The following DNAJC7 variants were observed in gnomAD, a reference collection of about 807,000 sequenced individuals.
DNAJC7 encodes dnaJ homolog subfamily C member 7.
A neutral mutation model predicts 67.4 loss-of-function variants in DNAJC7; 18 were observed. That is an observed-to-expected ratio of 0.27 (90% CI 0.18 to 0.40). DNAJC7 has a LOEUF of 0.40. Ranked by LOEUF, DNAJC7 falls within the 10% of genes least tolerant of loss-of-function variation. DNAJC7 has a pLI of 1.00. For missense variants in DNAJC7, 419 were observed against 613.8 expected (o/e 0.68, Z 3.35); for synonymous variants, 220 against 207.8 (o/e 1.06, Z -0.50).
rs1200813992 is a variant in DNAJC7 at position 41,981,955 on chromosome 17, G to A, written c.1284C>T (p.Phe428=). Residue 428 remains phenylalanine (F), a synonymous_variant, in exon 12 of 14, where the codon TTC becomes TTT. Coordinates refer to ENST00000457167, the MANE Select transcript of DNAJC7 (RefSeq NM_003315.4). ...AEVQKEEEKK[F]KEVGEAFTIL... ...TAGTAAAGGCCTCTCCAACTTCCTT[G>A]AACTTCTTCTCCTCCTCCTTCTGAA... 4.3e-6 allele frequency: 7 copies of A among 1,613,784 alleles called. No homozygotes were observed. In the Admixed American group the frequency reaches 1.0e-4, roughly 23 times the overall value.
At chr17:41,980,573 G>A (rs35447453) in intron 12 of DNAJC7, among the ~76,000 whole-genome samples, 11,266 of 152,064 alleles carry the variant, frequency 0.074, 625 homozygotes, top group Non-Finnish European at 0.11. Context: ...TTTTAGTAGA[G>A]AGTACAATTT....
At chr17:41,995,980 A>G (rs1177004214) in intron 4 of DNAJC7, among the ~76,000 whole-genome samples, 1 of 152,168 alleles carries the variant, frequency 6.6e-6, no homozygotes, top group Non-Finnish European at 1.5e-5. Flanking sequence ...CTAATGTAAA[A>G]AATTTTTTTG....
chr17:42,000,486 G>A lies in DNAJC7; in HGVS notation c.162C>T (p.Ala54=). The A allele has an allele frequency of 6.2e-7, 1 of 1,601,492 alleles. No homozygotes were observed. The highest frequency in any genetic ancestry group is 8.5e-7 in the Non-Finnish European group (1 of 1,172,204). ...YNEAYNYYTK[A]IDMCPKNASY... ...TAAGTATCAGTTCTTTCTCACCTAT[G>A]GCTTTTGTATAATAATTATAAGCTT... The change falls in exon 2 of 14, where the codon GCC becomes GCT. Residue 54 remains alanine, a synonymous_variant. Coordinates refer to ENST00000457167, the MANE Select transcript of DNAJC7 (RefSeq NM_003315.4).
In DNAJC7 at chr17:41,976,620, G is replaced by T; in HGVS notation, c.*113C>A. 2 of 1,410,578 alleles carry T rather than the reference G, an allele frequency of 1.4e-6. No homozygotes were observed. Among genetic ancestry groups the T allele is most frequent in the Non-Finnish European group, 1.9e-6 (2 of 1,044,928 alleles). 87.4% of individuals were successfully genotyped at this position (1,410,578 alleles called of 1,614,324 possible). ...ACACAGGGCATCCAACTGAGAAAACGAAACTGCTCTAAGCACACGGAGACG... is the reference window on the plus strand; with the variant it reads ...ACACAGGGCATCCAACTGAGAAAACTAAACTGCTCTAAGCACACGGAGACG... On this transcript the variant is annotated 3_prime_UTR_variant, in exon 14 of 14. Coordinates refer to ENST00000457167, the MANE Select transcript of DNAJC7 (RefSeq NM_003315.4).
intron 1 of DNAJC7, among the ~76,000 whole-genome samples, chr17:42,001,325 TAGC>T (rs2051801347): frequency 6.6e-6 from 1 of 152,184 alleles, no homozygotes; most frequent in African/African-American, 2.4e-5. Flanking sequence ...AACTGGGTGA[TAGC>T]AGTATTTTTT....
rs781889336 is a variant in DNAJC7, at chr17:41,987,869, T to C, written c.960A>G (p.Ala320=). 1.9e-6 allele frequency: 3 copies of C among 1,612,188 alleles called. No homozygotes were observed. In the South Asian group the frequency reaches 3.3e-5, roughly 18 times the overall value. ...LDDAIEDCTN[A]VKLDDTYIKA... ...TTATGTAAGTGTCATCAAGCTTCAC[T>C]GCATTTGTGCAGTCTTCTATTGCAT... The change falls in exon 9 of 14, where the codon GCA becomes GCG. Residue 320 remains alanine, a synonymous_variant. Coordinates refer to ENST00000457167, the MANE Select transcript of DNAJC7 (RefSeq NM_003315.4).
chr17:41,994,916 T>C lies in DNAJC7; in HGVS notation c.434A>G (p.Tyr145Cys). The change falls in exon 5 of 14, where the codon TAT (tyrosine) becomes TGT (cysteine). Residue 145 changes from tyrosine (Y) to cysteine (C), a missense_variant. By Grantham distance (194) the Tyr-to-Cys change is radical. Transcript: ENST00000457167. ...EFKNANAVME[Y>C]EKIAETDFEK... Reference sequence around the variant, plus strand: ...AAAATCTGTTTCTGCTATTTTCTCATATTCCATGACTGCATTAGCATTCTT... The same window carrying C: ...AAAATCTGTTTCTGCTATTTTCTCACATTCCATGACTGCATTAGCATTCTT... The C allele has an allele frequency of 6.2e-7, 1 of 1,614,008 alleles. No homozygotes were observed. The highest frequency in any genetic ancestry group is 8.5e-7 in the Non-Finnish European group (1 of 1,179,880).
intron 1 of DNAJC7, among the ~76,000 whole-genome samples, chr17:42,008,999 C>T (rs936394375): frequency 6.6e-6 from 1 of 152,224 alleles, no homozygotes; most frequent in Non-Finnish European, 1.5e-5. Context: ...CGTGAGCCAT[C>T]ACGCCGGGCC....
chr17:41,994,999 C>T (rs781896299), intron 4 of DNAJC7, 55 bp from the exon 5 acceptor site: 8 of 1,493,260 alleles, frequency 5.4e-6, no homozygotes, highest in Non-Finnish European at 7.4e-6. Flanking sequence ...GATTAAACAA[C>T]CACAAAAAAA....
chr17:42,007,029 G>A (rs1399775083), intron 1 of DNAJC7, among the ~76,000 whole-genome samples: 5 of 150,772 alleles, frequency 3.3e-5, no homozygotes, highest in Admixed American at 1.3e-4. Flanking sequence ...GTGAACCCGG[G>A]AGATGGAGCT....
At chr17:42,016,755 C>G in intron 1 of DNAJC7, 1 of 183,214 alleles carries the variant, frequency 5.5e-6, no homozygotes, top group South Asian at 9.6e-5. Context: ...AGGAGTCTGA[C>G]GTAGAGAACA....
chr17:41,995,365 T>C (rs1368355840), intron 4 of DNAJC7, among the ~76,000 whole-genome samples: 1 of 152,148 alleles, frequency 6.6e-6, no homozygotes, highest in Non-Finnish European at 1.5e-5. Flanking sequence ...ATACATGAAA[T>C]AAAGGCAATG....
rs1403514447 is a variant in DNAJC7 at position 41,994,789 on chromosome 17, T to G, written c.480+81A>C. On this transcript the variant is annotated intron_variant, in intron 5 of 13. Coordinates refer to ENST00000457167, the MANE Select transcript of DNAJC7 (RefSeq NM_003315.4). The stretch of plus-strand genomic sequence containing the variant: ...TTCTAGAGCTTTTGTGCCATACTAC[T>G]CCTCTTAATTATCACACACACACAC... The G allele has an allele frequency of 2.5e-6, 3 of 1,202,506 alleles. No homozygotes were observed. The African/African-American group carries it at 4.5e-5, about 18-fold the overall frequency. 74.5% of individuals were successfully genotyped at this position (1,202,506 alleles called of 1,614,324 possible).
chr17:41,990,513 G>A (rs2051486906), intron 5 of DNAJC7, 131 bp from the exon 6 acceptor site: 1 of 709,172 alleles, frequency 1.4e-6, no homozygotes, highest in Non-Finnish European at 2.4e-6. Context: ...TAATATCAAA[G>A]TTTAAAAACA....
intron 2 of DNAJC7, among the ~76,000 whole-genome samples, chr17:41,999,624 G>A (rs186602255): frequency 1.5e-4 from 22 of 150,714 alleles, no homozygotes; most frequent in African/African-American, 3.4e-4. Context: ...GGGTTCAAGC[G>A]ATTCTCCTGC....
At position 41,989,391 on chromosome 17, in the gene DNAJC7, G is replaced by A. The variant is rs1555647346; in HGVS notation, c.753+13C>T. On this transcript the variant is annotated intron_variant, in intron 7 of 13. Transcript: ENST00000457167. ...AAGCTCTTTCCCAGTTAGGTCTGGT[G>A]ACTAGAACTTACTCTGCAGGCAATG... 12 of 1,613,452 alleles carry A rather than the reference G, an allele frequency of 7.4e-6. No homozygotes were observed. Among genetic ancestry groups the A allele is most frequent in the Non-Finnish European group, 1.0e-5 (12 of 1,179,720 alleles).
intron 5 of DNAJC7, among the ~76,000 whole-genome samples, chr17:41,992,946 A>G (rs1232368837): frequency 3.9e-5 from 6 of 152,160 alleles, no homozygotes; most frequent in Non-Finnish European, 4.4e-5. Context: ...ACCTCAGAAA[A>G]CTGACAGTAG....
chr17:41,997,701 G>T (rs9747327), intron 2 of DNAJC7, among the ~76,000 whole-genome samples: 111,614 of 152,026 alleles, frequency 0.73, 42,936 homozygotes, highest in East Asian at 0.86. Flanking sequence ...TCTTCATGGA[G>T]ACAGGGTCTC....
chr17:41,988,052 C>T (rs1401653232), intron 8 of DNAJC7, 142 bp from the exon 9 acceptor site: 1 of 678,106 alleles, frequency 1.5e-6, no homozygotes, highest in Admixed American at 2.8e-5. Flanking sequence ...TCTTTGTCAC[C>T]AGGGCTATGG....
Sources: allele counts gnomAD v4.1 joint callset (sites outside exome capture counted in the v4.1 genomes callset), GRCh38; gene constraint gnomAD v4.1.1; transcripts MANE v1.5; gene names NCBI Gene and HGNC (gene_info 2026-07-23, HGNC 2026-07-21).